Variants in SSBP4 observed in about 807,000 individuals in gnomAD.
The protein encoded by SSBP4 is single stranded DNA binding protein 4.
Under a neutral mutation model 64.6 loss-of-function variants are expected in SSBP4, and 33 were observed. That is an observed-to-expected ratio of 0.51 (90% CI 0.39 to 0.68). The LOEUF (loss-of-function observed/expected upper bound fraction) is 0.68, where lower values mean the gene tolerates loss of function less well. Ranked by LOEUF, SSBP4 falls within the 30% of genes least tolerant of loss-of-function variation. The probability of loss-of-function intolerance (pLI) is 0.00; values close to 1 mark genes in which losing one functional copy is unlikely to be tolerated. For synonymous variants in SSBP4, 243 were observed against 224.0 expected (o/e 1.08, Z -0.76); for missense variants, 583 against 566.8 (o/e 1.03, Z -0.29).
At chr19:18,413,571 G>A in the SSBP4 span, among the ~76,000 whole-genome samples, 6 of 152,122 alleles carry the variant, frequency 3.9e-5, no homozygotes, top group African/African-American at 1.4e-4. Context: ...ACAGACCCAA[G>A]ATGGCACACT....
At chr19:18,425,523 C>T (rs1027573146) in intron 1 of SSBP4, among the ~76,000 whole-genome samples, 6 of 152,312 alleles carry the variant, frequency 3.9e-5, no homozygotes, top group Middle Eastern at 3.4e-3. Context: ...CTGTCAGCCA[C>T]TAGCCACAGG....
chr19:18,427,933 G>A lies in SSBP4; in HGVS notation c.230G>A (p.Arg77Lys), dbSNP rs763066925. 6.8e-6 allele frequency: 11 copies of A among 1,613,588 alleles called. No individual in the cohort carries two copies. Among genetic ancestry groups the A allele is most frequent in the African/African-American group, 5.3e-5 (4 of 74,894 alleles). The change falls in exon 4 of 18, where the codon AGA (arginine) becomes AAA (lysine). Residue 77 changes from arginine (R) to lysine (K), a missense_variant. This residue lies in a region of SSBP4 where 43 missense variants were observed against 74.2 expected (regional missense o/e 0.58). Transcript: ENST00000270061. This position sits in a 1 kb window ranked among gnomAD's most constrained non-coding sequence, Gnocchi z 4.4. The part of the protein sequence containing the change: ...FWDLYCAAPD[R>K]REACEHSGEA... ...GACCTGTACTGCGCGGCGCCTGACA[G>A]AAGAGAGGCCTGCGAGCACTCCGGC... is the stretch of plus-strand genomic sequence containing the variant.
At chr19:18,409,935 G>A in the SSBP4 span, among the ~76,000 whole-genome samples, 107 of 152,206 alleles carry the variant, frequency 7.0e-4, no homozygotes, top group Non-Finnish European at 1.2e-3. Context: ...AGGTTCAAGC[G>A]ATTCTCCTGC....
At chr19:18,431,075 G>C in intron 5 of SSBP4, 145 bp downstream of exon 5, 1 of 1,030,700 alleles carries the variant, frequency 9.7e-7, no homozygotes, top group Non-Finnish European at 1.4e-6. Context: ...GTGTGCCCAG[G>C]TGGGCCTTTC....
At chr19:18,420,684 C>G (rs1270752663) in intron 1 of SSBP4, among the ~76,000 whole-genome samples, 1 of 151,794 alleles carries the variant, frequency 6.6e-6, no homozygotes, top group Non-Finnish European at 1.5e-5. Context: ...ATGGTGAAAC[C>G]CCGTCTCTAC....
At chr19:18,407,760 G>A in the SSBP4 span, among the ~76,000 whole-genome samples, 3 of 151,570 alleles carry the variant, frequency 2.0e-5, no homozygotes, top group Non-Finnish European at 4.4e-5. Flanking sequence ...TTTGTTTTTT[G>A]ACGCAGAGTC....
upstream of SSBP4, chr19:18,419,190 G>C: frequency 2.0e-6 from 2 of 986,096 alleles, no homozygotes; most frequent in Non-Finnish European, 2.4e-6. Flanking sequence ...GTGCAGCCGC[G>C]ATCAGCTGTG....
At chr19:18,433,668 G>GT in intron 16 of SSBP4, 42 bp from the exon 17 acceptor site, 1 of 1,341,588 alleles carries the variant, frequency 7.5e-7, no homozygotes, top group Non-Finnish European at 9.6e-7. Context: ...GGCGGGGAGG[G>GT]GGCGGGGCGG....
upstream of SSBP4, chr19:18,419,311 C>G: frequency 9.9e-7 from 1 of 1,006,194 alleles, no homozygotes; most frequent in Non-Finnish European, 1.2e-6. Flanking sequence ...CACCCGCGCG[C>G]CCGCCATCGC....
At position 18,421,956 on chromosome 19, in the gene SSBP4, T is replaced by C. The variant is rs200430721; in HGVS notation, c.59+2249T>C. On this transcript the variant is annotated intron_variant, in intron 1 of 17. Transcript: ENST00000270061. ...TGGGTGGATCATTTGAGGTCAGGAG[T>C]TCGAGACCAGCCTGGCCAACATGAT... Among the ~76,000 whole-genome samples the C allele has an allele frequency of 2.8e-4, 43 of 151,968 alleles. No homozygotes were observed. In the East Asian group the frequency reaches 7.2e-3, roughly 25 times the overall value.
intron 1 of SSBP4, 79 bp downstream of exon 1, chr19:18,419,786 AC>A (rs1366913801): frequency 9.9e-7 from 1 of 1,012,550 alleles, no homozygotes; most frequent in East Asian, 5.8e-5. Context: ...CGCGCGGGGC[AC>A]GTGGGCGCGG....
chr19:18,428,056 T>C (rs1020572762), intron 4 of SSBP4, 74 bp downstream of exon 4: 7 of 444,928 alleles, frequency 1.6e-5, no homozygotes, highest in Non-Finnish European at 7.4e-6. Context: ...GGAGGTGGGG[T>C]GGGGGGCTGC....
chr19:18,431,157 G>A (rs6512267), intron 5 of SSBP4, among the ~76,000 whole-genome samples, 196 bp from the exon 6 acceptor site: 44 of 152,054 alleles, frequency 2.9e-4, no homozygotes, highest in African/African-American at 8.7e-4. Context: ...ACATGTGTGC[G>A]CACAGGGTGC....
intron 4 of SSBP4, 149 bp from the exon 5 acceptor site, chr19:18,430,692 C>T: frequency 1.6e-6 from 1 of 635,150 alleles, no homozygotes; most frequent in Admixed American, 3.3e-5. Context: ...ACCCACAGAT[C>T]CTCAGGCCGA....
intron 1 of SSBP4, among the ~76,000 whole-genome samples, chr19:18,424,954 A>G (rs1298885670): frequency 1.3e-5 from 2 of 151,880 alleles, no homozygotes; most frequent in African/African-American, 4.8e-5. Context: ...AGTTTGGGGA[A>G]GGTCAGGCCA....
At chr19:18,405,377 C>A in the SSBP4 span, among the ~76,000 whole-genome samples, 2 of 152,134 alleles carry the variant, frequency 1.3e-5, no homozygotes, top group Admixed American at 1.3e-4. Flanking sequence ...AACCCTCCCC[C>A]ACGCCAGGCG....
chr19:18,405,383 A>G, the SSBP4 span, among the ~76,000 whole-genome samples: 1 of 151,976 alleles, frequency 6.6e-6, no homozygotes, highest in South Asian at 2.1e-4. Flanking sequence ...CCCCCACGCC[A>G]GGCGTGATGG....
At chr19:18,403,345 G>T in the SSBP4 span, among the ~76,000 whole-genome samples, 2 of 152,170 alleles carry the variant, frequency 1.3e-5, no homozygotes, top group Admixed American at 6.6e-5. Flanking sequence ...CTGAGCGCCG[G>T]TCCCCTGGGC....
intron 16 of SSBP4, 39 bp downstream of exon 16, chr19:18,433,652 GGGGGTGGCGGGGAGGGGGC>G (rs771930477): frequency 7.0e-7 from 1 of 1,428,782 alleles, no homozygotes; most frequent in Non-Finnish European, 9.1e-7. Context: ...GGGATCCGGG[GGGGGTGGCGGGGAGGGGGC>G]GGGGCGGGGA....
Sources: gnomAD v4.1 joint callset for allele counts (sites outside exome capture counted in the v4.1 genomes callset) on GRCh38, gnomAD v4.1.1 for gene constraint, gnomAD v4.1.1 regional missense constraint, Gnocchi (gnomAD v3.1) non-coding constraint, MANE v1.5 for transcripts, NCBI Gene and HGNC (gene_info 2026-07-23, HGNC 2026-07-21) for gene names.